The following ZNF540 variants were observed in gnomAD, a reference collection of about 807,000 sequenced individuals.
ZNF540 encodes zinc finger protein 540, also known as CTD-3064H18.6.
Under a neutral mutation model 11.8 loss-of-function variants are expected in ZNF540, and 3 were observed. That is an observed-to-expected ratio of 0.25 (90% CI 0.12 to 0.65). The LOEUF (loss-of-function observed/expected upper bound fraction) is 0.65, where lower values mean the gene tolerates loss of function less well. ZNF540 is among the 30% of genes least tolerant of loss of function. The pLI is 0.83. For missense variants in ZNF540, 709 were observed against 793.1 expected (o/e 0.89, Z 1.27); for synonymous variants, 247 against 259.0 (o/e 0.95, Z 0.45).
rs769750372 is a variant in ZNF540 at position 37,612,256 on chromosome 19, C to T, written c.976C>T (p.Pro326Ser). 6.2e-7 allele frequency: 1 copy of T among 1,613,662 alleles called. No individual in the cohort carries two copies. Among genetic ancestry groups the T allele is most frequent in the Non-Finnish European group, 8.5e-7 (1 of 1,179,996 alleles). ...TGAGAGAATTCATACAGGTAAGAAA[C>T]CCTATGAATGTAAGGAGTGTGGGAA... is the stretch of plus-strand genomic sequence containing the variant. ...EHERIHTGKK[P>S]YECKECGKAF... Residue 326 changes from proline (P) to serine (S), a missense_variant, in exon 5 of 5, where the codon CCC becomes TCC. By Grantham distance (74) the Pro-to-Ser change is moderately conservative. Coordinates refer to ENST00000316433, the MANE Select transcript of ZNF540 (RefSeq NM_001172225.3).
chr19:37,613,361 T>A lies in ZNF540; in HGVS notation c.*98T>A. ...TGTGTTGATGTTTTTTTACACATAT[T>A]AACTTAATAAATGTATGAGTCTTAA... On this transcript the variant is annotated 3_prime_UTR_variant, in exon 5 of 5. Coordinates refer to ENST00000316433, the MANE Select transcript of ZNF540 (RefSeq NM_001172225.3). 1 of 871,112 alleles carries A rather than the reference T, an allele frequency of 1.1e-6. No homozygotes were observed. The highest frequency in any genetic ancestry group is 2.9e-5 in the South Asian group (1 of 34,384). 54.0% of individuals were successfully genotyped at this position (871,112 alleles called of 1,614,324 possible). A position where few individuals can be genotyped will look rare whatever the true frequency, so the allele number is the denominator to read the frequency against.
At chr19:37,590,744 T>TA (rs2043845771), upstream of ZNF540, among the ~76,000 whole-genome samples, 1 of 152,170 alleles carries the variant, frequency 6.6e-6, no homozygotes, top group Non-Finnish European at 1.5e-5. Context: ...TCTGTAAGTG[T>TA]AATATTATAT....
In ZNF540 at chr19:37,611,814, T is replaced by A. The variant is rs375850217; in HGVS notation, c.534T>A (p.His178Gln). The change falls in exon 5 of 5, where the codon CAT becomes CAA. Residue 178 changes from histidine (H) to glutamine (Q), a missense_variant. Coordinates refer to ENST00000316433, the MANE Select transcript of ZNF540 (RefSeq NM_001172225.3). ...EKSCDSHLVQ[H>Q]GKIDSDVKHD... ...GCTGTGACTCACACTTGGTTCAACA[T>A]GGGAAAATAGATTCTGATGTGAAAC... 6.8e-6 allele frequency: 11 copies of A among 1,613,904 alleles called. No individual in the cohort carries two copies. In the African/African-American group the frequency reaches 1.3e-4, roughly 20 times the overall value.
At chr19:37,577,844 C>T (rs2043296524) in intron 1 of ZNF540, among the ~76,000 whole-genome samples, 1 of 152,210 alleles carries the variant, frequency 6.6e-6, no homozygotes, top group Non-Finnish European at 1.5e-5. Flanking sequence ...GAAGTAAATA[C>T]TGTCTCTTTT....
chr19:37,556,106 A>C (rs2147137077), intron 1 of ZNF540: 1 of 702,772 alleles, frequency 1.4e-6, no homozygotes, highest in Non-Finnish European at 2.6e-6. Context: ...CAAGGTTGAC[A>C]CTTCCTGCTT....
chr19:37,601,488 G>A (rs1382293864), intron 4 of ZNF540, among the ~76,000 whole-genome samples: 1 of 151,874 alleles, frequency 6.6e-6, no homozygotes, highest in Admixed American at 6.6e-5. Flanking sequence ...CTCACTCTGT[G>A]CCAAGTGTTA....
chr19:37,557,978 C>T (rs2042678570), intron 1 of ZNF540, among the ~76,000 whole-genome samples: 1 of 152,106 alleles, frequency 6.6e-6, no homozygotes. Flanking sequence ...CTCCAGGGTC[C>T]TAAGGTCTGA....
chr19:37,578,378 G>T (rs1173402595), intron 1 of ZNF540, among the ~76,000 whole-genome samples: 1 of 152,086 alleles, frequency 6.6e-6, no homozygotes, highest in South Asian at 2.1e-4. Flanking sequence ...GAGTCCCTGG[G>T]GAAGCCACAC....
chr19:37,570,136 G>A (rs943564216), intron 1 of ZNF540: 1 of 152,164 alleles, frequency 6.6e-6, no homozygotes, highest in African/African-American at 2.4e-5. Context: ...ACCACTAGAG[G>A]CCAATCCTTT....
chr19:37,583,744 T>C, intron 1 of ZNF540: 1 of 428,054 alleles, frequency 2.3e-6, no homozygotes, highest in Non-Finnish European at 4.2e-6. Flanking sequence ...ATTCCCAGAT[T>C]CAAATCTAGT....
intron 3 of ZNF540, among the ~76,000 whole-genome samples, chr19:37,600,389 A>C (rs1719027906): frequency 6.6e-6 from 1 of 152,212 alleles, no homozygotes; most frequent in South Asian, 2.1e-4. Flanking sequence ...AATTAGTTAA[A>C]GTAAAATAAA....
upstream of ZNF540, chr19:37,594,515 TAGC>T (rs2043960349): frequency 6.6e-6 from 1 of 151,904 alleles, no homozygotes; most frequent in Admixed American, 6.6e-5. Flanking sequence ...GGAACACAAC[TAGC>T]AGCACCACAC....
In ZNF540 at chr19:37,612,219, C is replaced by A; in HGVS notation, c.939C>A (p.Tyr313Ter). The A allele has an allele frequency of 6.2e-7, 1 of 1,613,006 alleles. No individual in the cohort carries two copies. Among genetic ancestry groups the A allele is most frequent in the African/African-American group, 1.3e-5 (1 of 74,914 alleles). ...ECGKVFQLIF[Y>*]FKEHERIHTG... ...GAAAAGTTTTTCAACTTATTTTCTA[C>A]TTTAAAGAACATGAGAGAATTCATA... is the stretch of plus-strand genomic sequence containing the variant. The change falls in exon 5 of 5, where the codon TAC (tyrosine) becomes TAA (stop). Residue 313 changes from tyrosine to a stop codon, truncating the protein, a stop_gained. Coordinates refer to ENST00000316433, the MANE Select transcript of ZNF540 (RefSeq NM_001172225.3). LOFTEE classifies it low-confidence loss of function (END_TRUNC).
At chr19:37,563,010 C>T (rs1163291688) in intron 1 of ZNF540, 6 of 151,540 alleles carry the variant, frequency 4.0e-5, no homozygotes, top group African/African-American at 1.5e-4. Context: ...ATAATGGGGC[C>T]AAATAAAAAT....
intron 1 of ZNF540, chr19:37,565,353 CTGTA>C (rs1254792985): frequency 6.2e-7 from 1 of 1,613,582 alleles, no homozygotes; most frequent in African/African-American, 1.3e-5. Context: ...GGTTTCTCTC[CTGTA>C]TGAATTCTCT....
upstream of ZNF540, chr19:37,593,985 T>A (rs773618675): frequency 2.0e-5 from 3 of 152,154 alleles, no homozygotes; most frequent in Non-Finnish European, 2.9e-5. Flanking sequence ...ATTCTTTTCC[T>A]CTGGGTGCCT....
intron 1 of ZNF540, among the ~76,000 whole-genome samples, chr19:37,568,781 A>C (rs564447821): frequency 6.6e-6 from 1 of 152,164 alleles, no homozygotes; most frequent in Non-Finnish European, 1.5e-5. Flanking sequence ...AAAAAAGGGA[A>C]AACTGCAAAA....
chr19:37,573,740 T>TG (rs1005523251), intron 1 of ZNF540, among the ~76,000 whole-genome samples: 10 of 147,662 alleles, frequency 6.8e-5, no homozygotes, highest in Non-Finnish European at 1.3e-4. Flanking sequence ...GATGCTAAGG[T>TG]GGGAGGATCA....
chr19:37,611,174 A>G, intron 4 of ZNF540: 1 of 158,568 alleles, frequency 6.3e-6, no homozygotes, highest in South Asian at 1.8e-4. Context: ...GGCGCCTGCC[A>G]TGATGCTCGG....
Sources: gnomAD v4.1 joint callset for allele counts (sites outside exome capture counted in the v4.1 genomes callset) on GRCh38, gnomAD v4.1.1 for gene constraint, MANE v1.5 for transcripts, NCBI Gene and HGNC (gene_info 2026-07-23, HGNC 2026-07-21) for gene names.